LRRN3: variants seen among roughly 807,000 people sequenced by gnomAD.
LRRN3 encodes leucine-rich repeat neuronal protein 3.
In LRRN3, 15 loss-of-function variants were observed where a neutral mutation model predicts 40.1. That is an observed-to-expected ratio of 0.37 (90% CI 0.25 to 0.58). The LOEUF (loss-of-function observed/expected upper bound fraction) is 0.58. Among genes scored for constraint, LRRN3 ranks in the 20% least tolerant of loss-of-function variants. The probability of loss-of-function intolerance (pLI) is 0.72; values close to 1 mark genes in which losing one functional copy is unlikely to be tolerated. For synonymous variants in LRRN3, 308 were observed against 297.2 expected (o/e 1.04, Z -0.37); for missense variants, 746 against 837.7 (o/e 0.89, Z 1.35).
intron 2 of LRRN3, among the ~76,000 whole-genome samples, chr7:111,110,819 C>G (rs1438476441): frequency 1.3e-5 from 2 of 152,092 alleles, no homozygotes; most frequent in African/African-American, 4.8e-5. Context: ...CATATTGGAA[C>G]AGTAAAGTTA....
chr7:111,113,450 G>A (rs1471862764), intron 2 of LRRN3, among the ~76,000 whole-genome samples: 1 of 151,846 alleles, frequency 6.6e-6, no homozygotes, highest in African/African-American at 2.4e-5. Flanking sequence ...AGTAGTGCTT[G>A]CAAGATCAGA....
intron 1 of LRRN3, among the ~76,000 whole-genome samples, chr7:111,097,675 A>C (rs968331593): frequency 6.6e-6 from 1 of 151,924 alleles, no homozygotes; most frequent in Admixed American, 6.6e-5. Flanking sequence ...CTGTATCGCT[A>C]TATTTATATG....
rs1449671469 is a variant in LRRN3 at position 111,122,671 on chromosome 7, C to G, written c.-102C>G. On this transcript the variant is annotated 5_prime_UTR_variant, in exon 3 of 3. Coordinates refer to ENST00000308478, the MANE Select transcript of LRRN3 (RefSeq NM_001099658.2). The stretch of plus-strand genomic sequence containing the variant: ...TGGTTCTATGGCATTCATCATTTGA[C>G]AAATGCAAGCATCTTCCTTATCAAT... 1 of 910,828 alleles carries G rather than the reference C, an allele frequency of 1.1e-6. No individual in the cohort carries two copies. The highest frequency in any genetic ancestry group is 1.7e-6 in the Non-Finnish European group (1 of 591,210). The allele number at this position is 910,828 out of a possible 1,614,324, so 56.4% of individuals were successfully genotyped here.
Position 111,125,284 on chromosome 7 carries a change from T to G in LRRN3, c.*385T>G, listed in dbSNP as rs918192446. The G allele has an allele frequency of 1.1e-5, 2 of 175,200 alleles. No individual in the cohort carries two copies. Among genetic ancestry groups the G allele is most frequent in the African/African-American group, 4.8e-5 (2 of 41,698 alleles). 10.9% of individuals were successfully genotyped at this position (175,200 alleles called of 1,614,324 possible). A position where few individuals can be genotyped will look rare whatever the true frequency, so the allele number is the denominator to read the frequency against. On this transcript the variant is annotated 3_prime_UTR_variant, in exon 3 of 3. Transcript: ENST00000308478. ...ATTACACATATTAGCCACGAGTTTT[T>G]GCAGTGACCAGATAAACTTGAATTG... is the stretch of plus-strand genomic sequence containing the variant.
At chr7:111,099,529 C>T in intron 1 of LRRN3, among the ~76,000 whole-genome samples, 1 of 151,606 alleles carries the variant, frequency 6.6e-6, no homozygotes, top group Non-Finnish European at 1.5e-5. Flanking sequence ...GCATTTCTTG[C>T]TATGTCACCT....
intron 2 of LRRN3, among the ~76,000 whole-genome samples, chr7:111,111,942 G>GTTTGTTTTT: frequency 1.2e-5 from 1 of 84,126 alleles, no homozygotes; most frequent in Non-Finnish European, 2.2e-5. Context: ...TATATAGTTT[G>GTTTGTTTTT]TTTTTTTTTT....
At chr7:111,097,387 A>G (rs1438969207) in intron 1 of LRRN3, 2 of 151,934 alleles carry the variant, frequency 1.3e-5, no homozygotes, top group Non-Finnish European at 2.9e-5. Context: ...TCACTGTGAT[A>G]AACAGGTTTG....
At chr7:111,106,071 T>G (rs1798516143) in intron 2 of LRRN3, among the ~76,000 whole-genome samples, 1 of 151,936 alleles carries the variant, frequency 6.6e-6, no homozygotes, top group Non-Finnish European at 1.5e-5. Context: ...ACACATAACA[T>G]AGTCTTTTTC....
intron 2 of LRRN3, among the ~76,000 whole-genome samples, chr7:111,114,007 T>C (rs1339912500): frequency 1.3e-5 from 2 of 152,168 alleles, no homozygotes; most frequent in East Asian, 1.9e-4. Flanking sequence ...TAAATCCCTC[T>C]AAATATCTAT....
intron 2 of LRRN3, among the ~76,000 whole-genome samples, chr7:111,111,953 T>G (rs1420977884): frequency 4.5e-5 from 6 of 134,306 alleles, no homozygotes; most frequent in Non-Finnish European, 8.0e-5. Flanking sequence ...TTTTTTTTTT[T>G]TTTTTTTTTT....
At chr7:111,091,999 G>A (rs1490066741) in intron 1 of LRRN3, among the ~76,000 whole-genome samples, 3 of 152,140 alleles carry the variant, frequency 2.0e-5, no homozygotes, top group Admixed American at 6.5e-5. Context: ...CCACCAAATG[G>A]GGCATTTTTA....
rs140070228 is a variant in LRRN3 at position 111,124,052 on chromosome 7, G to A, written c.1280G>A (p.Ser427Asn). 9.8e-4 allele frequency: 1,585 copies of A among 1,614,074 alleles called. 2 individuals carry two copies. The highest frequency in any genetic ancestry group is 1.1e-3 in the Admixed American group (67 of 59,988). Residue 427 changes from serine to asparagine, a missense_variant, in exon 3 of 3, where the codon AGC (serine) becomes AAC (asparagine). By Grantham distance (46) the Ser-to-Asn change is conservative. Transcript: ENST00000308478. Reference sequence around the variant, plus strand: ...TGTCTCCCTCTTATAGCTCCTGAGAGCTTTCCTTCTAATCTAAATGTAGAA... The same window carrying A: ...TGTCTCCCTCTTATAGCTCCTGAGAACTTTCCTTCTAATCTAAATGTAGAA... ...EICLPLIAPE[S>N]FPSNLNVEAG...
At chr7:111,099,740 G>T (rs920145582) in intron 1 of LRRN3, 141 bp from the exon 2 acceptor site, 28 of 151,302 alleles carry the variant, frequency 1.9e-4, no homozygotes, top group African/African-American at 6.1e-4. Flanking sequence ...ACTAAAAAAA[G>T]AAATTCAATT....
intron 1 of LRRN3, chr7:111,096,998 A>C (rs1024300066): frequency 2.0e-5 from 3 of 151,896 alleles, no homozygotes. Context: ...AAATCTTCTA[A>C]AGTTTGTCAT....
chr7:111,117,359 G>A (rs1176393989), intron 2 of LRRN3, among the ~76,000 whole-genome samples: 1 of 152,008 alleles, frequency 6.6e-6, no homozygotes, highest in Non-Finnish European at 1.5e-5. Flanking sequence ...AATAATCTGA[G>A]GTACAAGAAA....
intron 2 of LRRN3, among the ~76,000 whole-genome samples, chr7:111,121,381 T>C (rs977343889): frequency 2.6e-5 from 4 of 152,216 alleles, no homozygotes; most frequent in Non-Finnish European, 4.4e-5. Flanking sequence ...TTTGTCAATT[T>C]TGGCTTTTGT....
rs1456937346 is a variant in LRRN3, at chr7:111,124,858, G to C, written c.2086G>C (p.Val696Leu). ...AGKEKSTSLK[V>L]KATVIGLPTN... ...AAAAGAAAAAAGTACATCACTGAAA[G>C]TAAAAGCAACTGTTATAGGTTTACC... is the stretch of plus-strand genomic sequence containing the variant. The change falls in exon 3 of 3, where the codon GTA becomes CTA. Residue 696 changes from valine (V) to leucine (L), a missense_variant. Physicochemically the swap from Val to Leu is conservative, Grantham distance 32 (BLOSUM62 1). Coordinates refer to ENST00000308478, the MANE Select transcript of LRRN3 (RefSeq NM_001099658.2). 6.4e-7 allele frequency: 1 copy of C among 1,563,156 alleles called. No homozygotes were observed. The highest frequency in any genetic ancestry group is 1.4e-5 in the African/African-American group (1 of 72,264).
At chr7:111,091,557 C>T (rs1452145505) in intron 1 of LRRN3, 53 bp downstream of exon 1, 2 of 152,138 alleles carry the variant, frequency 1.3e-5, no homozygotes, top group East Asian at 3.9e-4. Flanking sequence ...CTTGTCTCTT[C>T]GATGATCATG....
chr7:111,124,760 G>A lies in LRRN3; in HGVS notation c.1988G>A (p.Arg663Lys), dbSNP rs750596087. The A allele has an allele frequency of 1.9e-6, 3 of 1,613,708 alleles. No individual in the cohort carries two copies. The highest frequency in any genetic ancestry group is 2.7e-5 in the African/African-American group (2 of 74,890). ...TGTGATGGTGGACACAGCTATGTGA[G>A]GAATTACTTACAGAAACCAACCTTT... ...MNCDGGHSYV[R>K]NYLQKPTFAL... Residue 663 changes from arginine (R) to lysine (K), a missense_variant, in exon 3 of 3, where the codon AGG becomes AAG. Coordinates refer to ENST00000308478, the MANE Select transcript of LRRN3 (RefSeq NM_001099658.2).
Sources: gnomAD v4.1 joint callset for allele counts (sites outside exome capture counted in the v4.1 genomes callset) on GRCh38, gnomAD v4.1.1 for gene constraint, MANE v1.5 for transcripts, NCBI Gene and HGNC (gene_info 2026-07-23, HGNC 2026-07-21) for gene names.